Variants in PPM1H observed in about 807,000 individuals in gnomAD.
The protein encoded by PPM1H is protein phosphatase 1H.
PPM1H carries 27 observed loss-of-function variants against 54.9 expected under a neutral mutation model. The ratio of observed to expected loss-of-function variants is 0.49; its 90% CI spans 0.36 to 0.68. The LOEUF (loss-of-function observed/expected upper bound fraction) is 0.68, where lower values mean the gene tolerates loss of function less well. Among genes scored for constraint, PPM1H ranks in the 30% least tolerant of loss-of-function variants. The pLI is 0.00. For missense variants in PPM1H, 596 were observed against 667.8 expected, an observed-to-expected ratio of 0.89 and a Z score of 1.19; for synonymous variants, 305 against 270.8, an observed-to-expected ratio of 1.13 and a Z score of -1.24.
intron 8 of PPM1H, among the ~76,000 whole-genome samples, chr12:62,674,050 T>A (rs2075972516): frequency 6.6e-6 from 1 of 152,064 alleles, no homozygotes; most frequent in Admixed American, 6.6e-5. Flanking sequence ...GAAATCATTT[T>A]TCAAAAACTG....
intron 2 of PPM1H, among the ~76,000 whole-genome samples, chr12:62,814,517 C>CA (rs1190064763): frequency 1.3e-5 from 2 of 152,058 alleles, no homozygotes; most frequent in Admixed American, 6.6e-5. Flanking sequence ...CACACCCTGC[C>CA]AAAAAAATTG....
intron 1 of PPM1H, among the ~76,000 whole-genome samples, chr12:62,917,991 A>G (rs1268662056): frequency 2.0e-5 from 3 of 152,230 alleles, no homozygotes; most frequent in Non-Finnish European, 4.4e-5. Context: ...GCAGATGAAA[A>G]AATGTTAATT....
chr12:62,789,616 C>T (rs1472918558), intron 3 of PPM1H, among the ~76,000 whole-genome samples: 2 of 152,204 alleles, frequency 1.3e-5, no homozygotes, highest in Admixed American at 6.5e-5. Context: ...CTCTACGTCA[C>T]GTAGTGTGCT....
chr12:62,792,067 G>C (rs893214614), intron 3 of PPM1H, among the ~76,000 whole-genome samples: 31 of 152,250 alleles, frequency 2.0e-4, no homozygotes, highest in African/African-American at 7.0e-4. Flanking sequence ...CCACGTAACA[G>C]GGCCGTCCAC....
At chr12:62,838,027 TCCCACCCCGATCTG>T (rs938397018) in intron 1 of PPM1H, among the ~76,000 whole-genome samples, 1 of 152,174 alleles carries the variant, frequency 6.6e-6, no homozygotes, top group Non-Finnish European at 1.5e-5. Flanking sequence ...GCTTCCAGAT[TCCCACCCCGATCTG>T]CCCACCCACA....
intron 1 of PPM1H, among the ~76,000 whole-genome samples, chr12:62,847,973 T>C (rs1001744112): frequency 1.3e-5 from 2 of 152,174 alleles, no homozygotes; most frequent in Non-Finnish European, 1.5e-5. Context: ...TTAAAATAGA[T>C]CTCATTGTTC....
chr12:62,764,005 T>C (rs1271957299), intron 4 of PPM1H, among the ~76,000 whole-genome samples: 5 of 152,204 alleles, frequency 3.3e-5, no homozygotes, highest in African/African-American at 1.2e-4. Flanking sequence ...CCTGGATTCC[T>C]GCCTCGATCC....
intron 2 of PPM1H, among the ~76,000 whole-genome samples, chr12:62,819,873 T>C (rs942633767): frequency 6.6e-6 from 1 of 152,138 alleles, no homozygotes; most frequent in African/African-American, 2.4e-5. Flanking sequence ...CAGAAGACAG[T>C]GATTTCTGCA....
intron 5 of PPM1H, among the ~76,000 whole-genome samples, chr12:62,721,568 G>A (rs1345312578): frequency 1.3e-5 from 2 of 152,156 alleles, no homozygotes; most frequent in Admixed American, 6.5e-5. Flanking sequence ...GTGCTGATGG[G>A]TATCAAGGAA....
At chr12:62,717,908 G>A (rs968325483) in intron 6 of PPM1H, among the ~76,000 whole-genome samples, 1 of 152,142 alleles carries the variant, frequency 6.6e-6, no homozygotes, top group African/African-American at 2.4e-5. Flanking sequence ...CTAAGCATCT[G>A]CAACAAAGAT....
chr12:62,693,134 G>T (rs1263485759), intron 7 of PPM1H, among the ~76,000 whole-genome samples: 1 of 152,242 alleles, frequency 6.6e-6, no homozygotes, highest in Non-Finnish European at 1.5e-5. Context: ...TTCCGAGGAA[G>T]AATGCAATGA....
At chr12:62,746,609 G>T (rs1276489888) in intron 4 of PPM1H, among the ~76,000 whole-genome samples, 1 of 152,212 alleles carries the variant, frequency 6.6e-6, no homozygotes, top group Non-Finnish European at 1.5e-5. Context: ...GGATGTCCTT[G>T]TTGCGAGGCA....
intron 5 of PPM1H, among the ~76,000 whole-genome samples, chr12:62,728,477 G>T (rs1198778661): frequency 6.6e-6 from 1 of 152,150 alleles, no homozygotes; most frequent in Non-Finnish European, 1.5e-5. Context: ...GATGAGCATT[G>T]CACTGTGGAA....
chr12:62,902,803 G>T (rs529513689), intron 1 of PPM1H, among the ~76,000 whole-genome samples: 1 of 152,218 alleles, frequency 6.6e-6, no homozygotes, highest in Non-Finnish European at 1.5e-5. Context: ...ATAATTATGA[G>T]TAGTACTAAG....
intron 1 of PPM1H, among the ~76,000 whole-genome samples, chr12:62,912,042 A>G (rs1439726066): frequency 1.3e-5 from 2 of 152,150 alleles, no homozygotes; most frequent in Non-Finnish European, 2.9e-5. Flanking sequence ...TCTTTGAGGA[A>G]CTCACCTGTT....
intron 5 of PPM1H, among the ~76,000 whole-genome samples, chr12:62,724,018 A>G (rs1415008316): frequency 6.6e-6 from 1 of 152,170 alleles, no homozygotes; most frequent in African/African-American, 2.4e-5. Context: ...ACCCGATTCC[A>G]GAGGGGCCCT....
At chr12:62,885,702 C>T (rs577600901) in intron 1 of PPM1H, among the ~76,000 whole-genome samples, 5 of 152,232 alleles carry the variant, frequency 3.3e-5, no homozygotes, top group Admixed American at 6.5e-5. Flanking sequence ...TTATGTAAGA[C>T]GTTAACAACT....
intron 1 of PPM1H, among the ~76,000 whole-genome samples, chr12:62,887,858 G>A (rs1012103433): frequency 9.2e-5 from 14 of 152,212 alleles, no homozygotes; most frequent in African/African-American, 3.4e-4. Flanking sequence ...TGAGGGGAGA[G>A]CAACTGCAAA....
At position 62,836,875 on chromosome 12, in the gene PPM1H, T is replaced by C. The variant is rs538902516; in HGVS notation, c.246-4596A>G. Among the ~76,000 whole-genome samples the C allele has an allele frequency of 1.8e-4, 27 of 152,300 alleles. No individual in the cohort carries two copies. In the South Asian group the frequency reaches 5.6e-3, roughly 32 times the overall value. ...TATATACTGCTTTAACCTACCAGCC[T>C]ACCTTCAACTGAACCAAAACCCCTA... is the stretch of plus-strand genomic sequence containing the variant. On this transcript the variant is annotated intron_variant, in intron 1 of 9. Coordinates refer to ENST00000228705, the MANE Select transcript of PPM1H (RefSeq NM_020700.2).
Sources: allele counts gnomAD v4.1 joint callset (sites outside exome capture counted in the v4.1 genomes callset), GRCh38; gene constraint gnomAD v4.1.1; transcripts MANE v1.5; gene names NCBI Gene and HGNC (gene_info 2026-07-23, HGNC 2026-07-21).